The following TSHR variants were observed in gnomAD, a reference collection of about 807,000 sequenced individuals.
TSHR encodes the protein thyroid stimulating hormone receptor.
Under a neutral mutation model 64.1 loss-of-function variants are expected in TSHR, and 51 were observed. The ratio of observed to expected loss-of-function variants is 0.80; its 90% confidence interval spans 0.64 to 1.01. The LOEUF (loss-of-function observed/expected upper bound fraction) is 1.01, where lower values mean the gene tolerates loss of function less well. Ranked by LOEUF, TSHR falls within the 50% of genes least tolerant of loss-of-function variation. The probability of loss-of-function intolerance (pLI) is 0.00; values close to 1 mark genes in which losing one functional copy is unlikely to be tolerated. For synonymous variants in TSHR, 361 were observed against 361.9 expected (o/e 1.00, Z 0.03); for missense variants, 877 against 942.8 (o/e 0.93, Z 0.91).
At chr14:81,084,005 C>A (rs952308904) in intron 3 of TSHR, among the ~76,000 whole-genome samples, 7 of 152,122 alleles carry the variant, frequency 4.6e-5, no homozygotes, top group East Asian at 1.9e-4. Flanking sequence ...AATCACCTCC[C>A]GCGAGGTCCC....
intron 1 of TSHR, 147 bp downstream of exon 1, chr14:80,955,997 T>G: frequency 1.0e-6 from 1 of 963,648 alleles, no homozygotes; most frequent in East Asian, 2.6e-5. Flanking sequence ...TGTGTAGATG[T>G]GTGTGTGTGC....
chr14:81,129,666 C>T (rs912374915), intron 8 of TSHR, among the ~76,000 whole-genome samples: 1 of 152,212 alleles, frequency 6.6e-6, no homozygotes, highest in Non-Finnish European at 1.5e-5. Flanking sequence ...CACTTGATCA[C>T]CTTGATTTCC....
chr14:80,983,678 C>G (rs1888290414), intron 1 of TSHR: 21 of 641,288 alleles, frequency 3.3e-5, no homozygotes, highest in Non-Finnish European at 5.4e-5. Flanking sequence ...CATCTCCAAA[C>G]TCTAGCAGGC....
At chr14:81,053,273 T>C (rs1048438300) in intron 1 of TSHR, 2 of 152,186 alleles carry the variant, frequency 1.3e-5, no homozygotes, top group East Asian at 1.9e-4. Flanking sequence ...ATGAGGCCCA[T>C]TCACATTGGG....
chr14:81,039,972 AT>A (rs1430193149), intron 1 of TSHR, among the ~76,000 whole-genome samples: 2 of 152,016 alleles, frequency 1.3e-5, no homozygotes, highest in Non-Finnish European at 2.9e-5. Context: ...AAAACCCTAA[AT>A]TCGTATGAAG....
At chr14:80,972,843 T>G (rs1007640471) in intron 1 of TSHR, among the ~76,000 whole-genome samples, 6 of 152,220 alleles carry the variant, frequency 3.9e-5, no homozygotes, top group Non-Finnish European at 8.8e-5. Context: ...CTGGATATTT[T>G]GTGTAAATGG....
At chr14:80,975,178 T>A (rs1887803002) in intron 1 of TSHR, among the ~76,000 whole-genome samples, 1 of 152,222 alleles carries the variant, frequency 6.6e-6, no homozygotes, top group African/African-American at 2.4e-5. Context: ...AGAGTAAGAC[T>A]ATGGCAGGTT....
At chr14:80,966,553 A>AT (rs948875155) in intron 1 of TSHR, among the ~76,000 whole-genome samples, 3 of 152,000 alleles carry the variant, frequency 2.0e-5, no homozygotes, top group Admixed American at 2.0e-4. Context: ...GACCTCATTG[A>AT]TTTTACATCA....
chr14:81,012,969 G>T (rs1353554826), intron 1 of TSHR: 3 of 152,222 alleles, frequency 2.0e-5, no homozygotes, highest in East Asian at 3.9e-4. Context: ...GTCAATTTTG[G>T]CTTTTGTTGC....
At chr14:81,104,313 A>G in intron 7 of TSHR, 1 of 985,446 alleles carries the variant, frequency 1.0e-6, no homozygotes, top group African/African-American at 1.7e-5. Context: ...GGTTCCCCAC[A>G]GAAGTGTTCC....
At chr14:81,006,605 C>T (rs1315741922) in intron 1 of TSHR, among the ~76,000 whole-genome samples, 3 of 152,046 alleles carry the variant, frequency 2.0e-5, no homozygotes, top group Admixed American at 6.5e-5. Context: ...CTCCAACTCC[C>T]TGGTTCAAGC....
intron 1 of TSHR, among the ~76,000 whole-genome samples, chr14:80,962,090 C>G (rs562433849): frequency 6.6e-6 from 1 of 152,080 alleles, no homozygotes; most frequent in Non-Finnish European, 1.5e-5. Flanking sequence ...TTGCTTAGTT[C>G]CTCTGGGCCT....
chr14:81,135,811 AC>A (rs1891433042), intron 8 of TSHR, among the ~76,000 whole-genome samples: 1 of 152,202 alleles, frequency 6.6e-6, no homozygotes. Context: ...AGGAGCTCCT[AC>A]CTTTCTGTCT....
intron 1 of TSHR, among the ~76,000 whole-genome samples, chr14:80,961,788 C>T (rs939429339): frequency 3.3e-5 from 5 of 152,010 alleles, no homozygotes; most frequent in African/African-American, 9.7e-5. Flanking sequence ...GAAATCTAAT[C>T]GTAACAATTA....
chr14:81,062,299 G>A, intron 2 of TSHR, 80 bp downstream of exon 2: 1 of 1,042,776 alleles, frequency 9.6e-7, no homozygotes, highest in Non-Finnish European at 1.4e-6. Context: ...AAAAATACTT[G>A]GTATTATACT....
At chr14:81,046,168 G>A (rs1885159577) in intron 1 of TSHR, among the ~76,000 whole-genome samples, 1 of 152,128 alleles carries the variant, frequency 6.6e-6, no homozygotes, top group South Asian at 2.1e-4. Flanking sequence ...TCCATAATCA[G>A]GGAGAAGGGC....
chr14:80,972,370 CA>C (rs1459201562), intron 1 of TSHR, among the ~76,000 whole-genome samples: 1 of 152,106 alleles, frequency 6.6e-6, no homozygotes, highest in Non-Finnish European at 1.5e-5. Context: ...TATAATATCT[CA>C]GTGTTCACAG....
chr14:81,103,215 A>G lies in TSHR; in HGVS notation c.615-5160A>G, dbSNP rs1889693724. On this transcript the variant is annotated intron_variant, in intron 7 of 9. Coordinates refer to ENST00000298171, the MANE Select transcript of TSHR (RefSeq NM_000369.5). This position sits in a 1 kb window ranked among gnomAD's most constrained non-coding sequence, Gnocchi z 4.1. ...ATAGTATTCACATTGTGTTTTTAAC[A>G]TAGGGATGTTGCTTTTGGTGTCAAT... The G allele has an allele frequency of 1.2e-5, 12 of 985,468 alleles. No homozygotes were observed. The highest frequency in any genetic ancestry group is 1.4e-5 in the Non-Finnish European group (12 of 829,934). The allele number at this position is 985,468 out of a possible 1,614,324, so 61.0% of individuals were successfully genotyped here. A position where few individuals can be genotyped will look rare whatever the true frequency, so the allele number is the denominator to read the frequency against.
At chr14:81,039,564 A>T (rs938743640) in intron 1 of TSHR, among the ~76,000 whole-genome samples, 3 of 151,746 alleles carry the variant, frequency 2.0e-5, no homozygotes, top group Non-Finnish European at 4.4e-5. Context: ...TTTATATATT[A>T]AAAAAACCCT....
Sources: gnomAD v4.1 joint callset for allele counts (sites outside exome capture counted in the v4.1 genomes callset) on GRCh38, gnomAD v4.1.1 for gene constraint, Gnocchi (gnomAD v3.1) non-coding constraint, MANE v1.5 for transcripts, NCBI Gene and HGNC (gene_info 2026-07-23, HGNC 2026-07-21) for gene names.